XKR4: variants seen among roughly 807,000 people sequenced by gnomAD.
The protein encoded by XKR4 is XK-related protein 4.
Under a neutral mutation model 53.9 loss-of-function variants are expected in XKR4, and 12 were observed. The ratio of observed to expected loss-of-function variants is 0.22; its 90% CI spans 0.14 to 0.36. XKR4 has a LOEUF of 0.36. Among genes scored for constraint, XKR4 ranks in the 10% least tolerant of loss-of-function variants. The pLI is 1.00. For synonymous variants in XKR4, 354 were observed against 362.4 expected, an observed-to-expected ratio of 0.98 and a Z score of 0.26; for missense variants, 799 against 859.5, an observed-to-expected ratio of 0.93 and a Z score of 0.88.
At chr8:55,264,656 A>G (rs557640205) in intron 1 of XKR4, among the ~76,000 whole-genome samples, 1 of 152,356 alleles carries the variant, frequency 6.6e-6, no homozygotes, top group South Asian at 2.1e-4. Context: ...AAGGGAAGAT[A>G]CTTTCATGGT....
At chr8:55,192,874 T>TG (rs1021830465) in intron 1 of XKR4, among the ~76,000 whole-genome samples, 4 of 152,174 alleles carry the variant, frequency 2.6e-5, no homozygotes, top group African/African-American at 9.7e-5. Flanking sequence ...GAAGAGGCTG[T>TG]GGGGGCTTTC....
intron 2 of XKR4, among the ~76,000 whole-genome samples, chr8:55,413,372 C>T (rs897065914): frequency 2.8e-4 from 43 of 152,094 alleles, no homozygotes; most frequent in African/African-American, 7.2e-4. Flanking sequence ...ATTACAGGTG[C>T]GCACCACCAT....
intron 2 of XKR4, among the ~76,000 whole-genome samples, chr8:55,363,592 C>T (rs753749875): frequency 9.9e-5 from 15 of 152,202 alleles, no homozygotes; most frequent in Non-Finnish European, 2.2e-4. Flanking sequence ...ACTTGCCCCA[C>T]CTCATCGCGA....
chr8:55,144,986 CA>C (rs1350572669), intron 1 of XKR4, among the ~76,000 whole-genome samples: 1 of 152,100 alleles, frequency 6.6e-6, no homozygotes, highest in East Asian at 1.9e-4. Context: ...TGCCTGCCAC[CA>C]TGCCCGACTG....
chr8:55,435,659 T>C (rs1805165203), intron 2 of XKR4, among the ~76,000 whole-genome samples: 1 of 150,590 alleles, frequency 6.6e-6, no homozygotes, highest in African/African-American at 2.5e-5. Context: ...AGCCTCAACC[T>C]CCCGGGCTCA....
At chr8:55,216,384 A>G (rs1817799014) in intron 1 of XKR4, among the ~76,000 whole-genome samples, 2 of 152,222 alleles carry the variant, frequency 1.3e-5, no homozygotes, top group South Asian at 2.1e-4. Context: ...ATATAGAGTA[A>G]TATTTTTATG....
intron 1 of XKR4, among the ~76,000 whole-genome samples, chr8:55,174,007 C>A (rs1817198153): frequency 6.6e-6 from 1 of 152,012 alleles, no homozygotes; most frequent in African/African-American, 2.4e-5. Context: ...ATTAAAAATC[C>A]ATAAAGTTTT....
intron 2 of XKR4, among the ~76,000 whole-genome samples, chr8:55,472,579 A>G (rs1455322399): frequency 6.6e-6 from 1 of 152,018 alleles, no homozygotes; most frequent in Non-Finnish European, 1.5e-5. Context: ...ACCAGCAACA[A>G]GGGGGAGAAA....
chr8:55,453,276 T>C (rs1449054510), intron 2 of XKR4: 5 of 488,402 alleles, frequency 1.0e-5, no homozygotes, highest in Non-Finnish European at 2.1e-5. Context: ...TCCAGAGAAG[T>C]GCAGTCCTGC....
At chr8:55,301,990 T>G (rs2129376949) in intron 1 of XKR4, among the ~76,000 whole-genome samples, 1 of 152,354 alleles carries the variant, frequency 6.6e-6, no homozygotes, top group Non-Finnish European at 1.5e-5. Context: ...GCAGAAGATC[T>G]TTAGTTTAAT....
intron 2 of XKR4, among the ~76,000 whole-genome samples, chr8:55,461,213 A>G (rs1190468726): frequency 6.6e-6 from 1 of 152,212 alleles, no homozygotes; most frequent in African/African-American, 2.4e-5. Context: ...GCCTAACTGG[A>G]AGGCACCCCC....
At position 55,102,318 on chromosome 8, in the gene XKR4, C is replaced by T. The variant is rs1479644731; in HGVS notation, c.-171C>T. On this transcript the variant is annotated 5_prime_UTR_variant, in exon 1 of 3. Transcript: ENST00000327381. The surrounding 1 kb of genome is among the most constrained non-coding windows in gnomAD (Gnocchi z 5.1). The stretch of plus-strand genomic sequence containing the variant: ...CGCTAGCCCGGCCCAGCGCCCAGCC[C>T]GGCGGGCGGCGGGCGGCGGCGGACG... The T allele has an allele frequency of 7.5e-6, 7 of 927,994 alleles. No individual in the cohort carries two copies. The highest frequency in any genetic ancestry group is 9.2e-6 in the Non-Finnish European group (7 of 763,564). 57.5% of individuals were successfully genotyped at this position (927,994 alleles called of 1,614,324 possible).
chr8:55,472,540 G>A (rs1805906059), intron 2 of XKR4, among the ~76,000 whole-genome samples: 1 of 152,152 alleles, frequency 6.6e-6, no homozygotes, highest in African/African-American at 2.4e-5. Flanking sequence ...CCAGTTCAGT[G>A]AGTGTTGGAG....
chr8:55,339,977 T>C (rs1803517739), intron 1 of XKR4, among the ~76,000 whole-genome samples: 1 of 152,262 alleles, frequency 6.6e-6, no homozygotes, highest in South Asian at 2.1e-4. Flanking sequence ...CTGGTGTTGC[T>C]AAATTGAATC....
At chr8:55,155,770 A>G (rs919514730) in intron 1 of XKR4, among the ~76,000 whole-genome samples, 2 of 152,200 alleles carry the variant, frequency 1.3e-5, no homozygotes, top group African/African-American at 4.8e-5. Context: ...GACTAAATAC[A>G]AGTGTTGGGA....
intron 1 of XKR4, among the ~76,000 whole-genome samples, chr8:55,112,713 A>G (rs1816250634): frequency 6.6e-6 from 1 of 151,896 alleles, no homozygotes. Context: ...GACGGTAACA[A>G]TGAGGAAATG....
chr8:55,421,557 G>A (rs1804932664), intron 2 of XKR4, among the ~76,000 whole-genome samples: 1 of 152,142 alleles, frequency 6.6e-6, no homozygotes, highest in Admixed American at 6.5e-5. Context: ...GTCTTTCCAG[G>A]GACACGTCAA....
chr8:55,441,519 A>G (rs1031687943), intron 2 of XKR4, among the ~76,000 whole-genome samples: 1 of 152,168 alleles, frequency 6.6e-6, no homozygotes, highest in African/African-American at 2.4e-5. Flanking sequence ...AACAATGGAC[A>G]TATGGGGAAC....
At chr8:55,441,698 A>T (rs549725864) in intron 2 of XKR4, among the ~76,000 whole-genome samples, 59 of 152,324 alleles carry the variant, frequency 3.9e-4, no homozygotes, top group African/African-American at 1.3e-3. Flanking sequence ...TAATTAAAAA[A>T]ATATAACTTA....
Sources: gnomAD v4.1 joint callset for allele counts (sites outside exome capture counted in the v4.1 genomes callset) on GRCh38, gnomAD v4.1.1 for gene constraint, Gnocchi (gnomAD v3.1) non-coding constraint, MANE v1.5 for transcripts, NCBI Gene and HGNC (gene_info 2026-07-23, HGNC 2026-07-21) for gene names.